The following TAFA2 variants were observed in gnomAD, a reference collection of about 807,000 sequenced individuals.
The protein encoded by TAFA2 is TAFA chemokine like family member 2, also known as chemokine-like protein TAFA-2.
A neutral mutation model predicts 18.8 loss-of-function variants in TAFA2; 7 were observed. That is an observed-to-expected ratio of 0.37 (90% confidence interval 0.21 to 0.70). The LOEUF (loss-of-function observed/expected upper bound fraction) is 0.70. Among genes scored for constraint, TAFA2 ranks in the 30% least tolerant of loss-of-function variants. TAFA2 has a pLI of 0.53. For missense variants in TAFA2, 122 were observed against 158.1 expected (o/e 0.77, Z 1.23); for synonymous variants, 60 against 54.2 (o/e 1.11, Z -0.47).
At chr12:62,235,308 G>A (rs2062831849) in intron 1 of TAFA2, 2 of 668,292 alleles carry the variant, frequency 3.0e-6, no homozygotes, top group East Asian at 2.5e-5. Flanking sequence ...CAACAAGGGG[G>A]CCCTCGGCAT....
intron 2 of TAFA2, among the ~76,000 whole-genome samples, chr12:61,858,748 T>A (rs1042554354): frequency 7.2e-5 from 11 of 151,954 alleles, no homozygotes; most frequent in African/African-American, 2.7e-4. Context: ...GAAATTCTAC[T>A]TCTAAAAATA....
At chr12:62,196,085 G>A (rs1034320276), upstream of TAFA2, among the ~76,000 whole-genome samples, 2 of 152,104 alleles carry the variant, frequency 1.3e-5, no homozygotes, top group African/African-American at 4.8e-5. Context: ...ATGTATTATG[G>A]AGACAGCTTC....
At chr12:61,848,984 G>T (rs549636650) in intron 2 of TAFA2, among the ~76,000 whole-genome samples, 2 of 151,834 alleles carry the variant, frequency 1.3e-5, no homozygotes, top group South Asian at 4.1e-4. Context: ...TGGGATTACA[G>T]GCACCCGCCA....
intron 1 of TAFA2, among the ~76,000 whole-genome samples, chr12:62,070,170 T>C (rs1354042381): frequency 6.6e-6 from 1 of 152,190 alleles, no homozygotes. Context: ...AAAAATGTCT[T>C]GAATGAGGTG....
chr12:61,986,188 TCTCA>T (rs1592531250), intron 1 of TAFA2, among the ~76,000 whole-genome samples: 1 of 141,040 alleles, frequency 7.1e-6, no homozygotes, highest in African/African-American at 2.7e-5. Flanking sequence ...TTTTTTTTTG[TCTCA>T]CTCACTCACT....
intron 2 of TAFA2, among the ~76,000 whole-genome samples, chr12:61,860,789 C>T (rs1874094784): frequency 6.6e-6 from 1 of 152,142 alleles, no homozygotes; most frequent in Non-Finnish European, 1.5e-5. Context: ...TGAAACTGTA[C>T]CCTATCCATT....
intron 1 of TAFA2, among the ~76,000 whole-genome samples, chr12:61,902,269 T>C (rs1368105079): frequency 6.6e-6 from 1 of 152,136 alleles, no homozygotes; most frequent in Admixed American, 6.6e-5. Context: ...ATCTAAAAGA[T>C]GAACAACTGT....
chr12:62,214,591 G>A (rs2062726607), intron 1 of TAFA2, among the ~76,000 whole-genome samples: 2 of 152,212 alleles, frequency 1.3e-5, no homozygotes, highest in Admixed American at 6.5e-5. Context: ...TGTATTTGGA[G>A]ATAAGATCTT....
At chr12:61,867,474 T>C in intron 1 of TAFA2, 48 bp from the exon 2 acceptor site, 1 of 1,155,178 alleles carries the variant, frequency 8.7e-7, no homozygotes, top group Non-Finnish European at 1.3e-6. Context: ...AATTCATAGC[T>C]TTTCCCTTAT....
At chr12:61,738,435 C>T (rs1342829804) in intron 4 of TAFA2, among the ~76,000 whole-genome samples, 2 of 151,788 alleles carry the variant, frequency 1.3e-5, no homozygotes, top group Admixed American at 1.3e-4. Context: ...TTGAATTATA[C>T]CACTGGACAT....
At chr12:62,141,425 G>T (rs922514431) in intron 1 of TAFA2, among the ~76,000 whole-genome samples, 6 of 152,182 alleles carry the variant, frequency 3.9e-5, no homozygotes, top group Non-Finnish European at 8.8e-5. Context: ...GCTCTCCAAA[G>T]AGGTGCATGC....
chr12:62,058,565 T>A (rs1279420141), intron 1 of TAFA2, among the ~76,000 whole-genome samples: 1 of 152,200 alleles, frequency 6.6e-6, no homozygotes, highest in African/African-American at 2.4e-5. Flanking sequence ...ACAGCTATAG[T>A]ATGTCTGACA....
At chr12:62,131,345 A>G (rs576294960) in intron 1 of TAFA2, among the ~76,000 whole-genome samples, 1 of 152,196 alleles carries the variant, frequency 6.6e-6, no homozygotes, top group Admixed American at 6.6e-5. Flanking sequence ...CTTACCCAAC[A>G]GCAAATAGTT....
intron 2 of TAFA2, among the ~76,000 whole-genome samples, chr12:61,756,785 T>G (rs1317608426): frequency 6.6e-6 from 1 of 152,068 alleles, no homozygotes; most frequent in East Asian, 1.9e-4. Flanking sequence ...CATCTCTCTT[T>G]GAGGAGATAA....
chr12:61,937,801 TA>T (rs1010061464), intron 1 of TAFA2, among the ~76,000 whole-genome samples: 1 of 151,826 alleles, frequency 6.6e-6, no homozygotes, highest in Non-Finnish European at 1.5e-5. Context: ...CAAAACTAAA[TA>T]AATGGGACCT....
At chr12:61,982,558 C>A (rs532153233) in intron 1 of TAFA2, among the ~76,000 whole-genome samples, 1 of 152,168 alleles carries the variant, frequency 6.6e-6, no homozygotes, top group East Asian at 1.9e-4. Context: ...AACATGTATC[C>A]ATGTTGCTCT....
At chr12:61,755,071 C>T in intron 2 of TAFA2, 47 bp from the exon 3 acceptor site, 1 of 1,589,722 alleles carries the variant, frequency 6.3e-7, no homozygotes, top group Admixed American at 1.7e-5. Flanking sequence ...GCTTTGGACA[C>T]TTCCCCCCAC....
chr12:62,153,949 A>ATGTTATGTTG (rs2062349473), intron 1 of TAFA2, among the ~76,000 whole-genome samples: 1 of 151,430 alleles, frequency 6.6e-6, no homozygotes, highest in Non-Finnish European at 1.5e-5. Context: ...ATGTTATGTT[A>ATGTTATGTTG]TGTTATGTTA....
At chr12:62,092,160 C>G (rs1868741115) in intron 1 of TAFA2, among the ~76,000 whole-genome samples, 1 of 151,932 alleles carries the variant, frequency 6.6e-6, no homozygotes, top group Non-Finnish European at 1.5e-5. Flanking sequence ...TCCCCATGTA[C>G]CTACTCAAGA....
Sources: allele counts gnomAD v4.1 joint callset (sites outside exome capture counted in the v4.1 genomes callset), GRCh38; gene constraint gnomAD v4.1.1; transcripts MANE v1.5; gene names NCBI Gene and HGNC (gene_info 2026-07-23, HGNC 2026-07-21).